EVA1C: variants seen among roughly 807,000 people sequenced by gnomAD.
EVA1C encodes eva-1 homolog C, also known as protein eva-1 homolog C.
Under a neutral mutation model 45.4 loss-of-function variants are expected in EVA1C, and 25 were observed. The ratio of observed to expected loss-of-function variants is 0.55; its 90% CI spans 0.40 to 0.77. EVA1C has a LOEUF of 0.77. EVA1C is among the 30% of genes least tolerant of loss of function. The pLI, the probability that EVA1C is intolerant of heterozygous loss-of-function variation, is 0.00. For synonymous variants in EVA1C, 190 were observed against 221.2 expected (o/e 0.86, Z 1.25); for missense variants, 479 against 554.8 (o/e 0.86, Z 1.37).
intron 3 of EVA1C, among the ~76,000 whole-genome samples, chr21:32,463,913 C>T (rs2036088066): frequency 6.6e-6 from 1 of 152,080 alleles, no homozygotes; most frequent in South Asian, 2.1e-4. Context: ...TAACATTTTT[C>T]TGAGTTCTTA....
At chr21:32,466,035 T>C (rs1228775287) in intron 3 of EVA1C, among the ~76,000 whole-genome samples, 1 of 152,172 alleles carries the variant, frequency 6.6e-6, no homozygotes, top group African/African-American at 2.4e-5. Flanking sequence ...ATTCTGCCTC[T>C]AAAGGTTTGC....
intron 5 of EVA1C, chr21:32,496,880 T>C (rs1568944919): frequency 9.4e-7 from 1 of 1,059,456 alleles, no homozygotes; most frequent in Non-Finnish European, 1.5e-6. Context: ...ATATTCAGAG[T>C]TGATGTTGGA....
At chr21:32,464,079 C>A (rs966777126) in intron 3 of EVA1C, among the ~76,000 whole-genome samples, 2 of 152,144 alleles carry the variant, frequency 1.3e-5, no homozygotes, top group African/African-American at 2.4e-5. Context: ...AATGCCAGTG[C>A]GGATATGACT....
intron 7 of EVA1C, among the ~76,000 whole-genome samples, chr21:32,505,699 C>G (rs767723943): frequency 1.3e-5 from 2 of 152,218 alleles, no homozygotes; most frequent in Non-Finnish European, 2.9e-5. Flanking sequence ...TAAGGGCTCT[C>G]TTCCTGGGTT....
intron 7 of EVA1C, among the ~76,000 whole-genome samples, chr21:32,504,946 G>C (rs1252916768): frequency 6.6e-6 from 1 of 151,060 alleles, no homozygotes. Flanking sequence ...GGTGAATGAG[G>C]AGCAAAGTCA....
intron 7 of EVA1C, among the ~76,000 whole-genome samples, chr21:32,507,266 T>G (rs766445946): frequency 6.6e-6 from 1 of 152,330 alleles, no homozygotes; most frequent in South Asian, 2.1e-4. Context: ...ACAGACTTAC[T>G]CCCCGAATTC....
chr21:32,458,468 T>C (rs2035869400), intron 3 of EVA1C, among the ~76,000 whole-genome samples: 1 of 150,140 alleles, frequency 6.7e-6, no homozygotes, highest in African/African-American at 2.5e-5. Flanking sequence ...ACCAAAAAAA[T>C]GAGAAGTTAA....
intron 4 of EVA1C, among the ~76,000 whole-genome samples, chr21:32,475,009 TCCTTAAC>T (rs1271529418): frequency 2.6e-5 from 4 of 152,190 alleles, no homozygotes; most frequent in Non-Finnish European, 4.4e-5. Context: ...AGGGTCTTTA[TCCTTAAC>T]CCTAGAAGCT....
At chr21:32,473,431 C>T (rs1601360772) in intron 4 of EVA1C, among the ~76,000 whole-genome samples, 1 of 152,236 alleles carries the variant, frequency 6.6e-6, no homozygotes, top group South Asian at 2.1e-4. Flanking sequence ...GTTTACCCCT[C>T]GTGTCCAAAC....
intron 5 of EVA1C, chr21:32,497,158 C>G: frequency 1.3e-6 from 1 of 797,694 alleles, no homozygotes; most frequent in Non-Finnish European, 2.3e-6. Context: ...TGGGAAAACT[C>G]TATCCACTGA....
At chr21:32,421,373 A>G (rs1012251992) in intron 1 of EVA1C, among the ~76,000 whole-genome samples, 3 of 152,236 alleles carry the variant, frequency 2.0e-5, no homozygotes, top group Non-Finnish European at 4.4e-5. Flanking sequence ...CTAAGCCTTC[A>G]TTAAAAGGTG....
intron 4 of EVA1C, among the ~76,000 whole-genome samples, chr21:32,484,639 G>A (rs1367986876): frequency 6.6e-6 from 1 of 152,110 alleles, no homozygotes; most frequent in Non-Finnish European, 1.5e-5. Context: ...AAGTTACCTG[G>A]GCTGTGAATT....
chr21:32,418,986 G>T (rs1277306279), intron 1 of EVA1C, among the ~76,000 whole-genome samples: 1 of 152,040 alleles, frequency 6.6e-6, no homozygotes, highest in Non-Finnish European at 1.5e-5. Context: ...AAAAAAAGGA[G>T]TTAAGTTTTG....
At chr21:32,496,460 C>T (rs990374240) in intron 5 of EVA1C, among the ~76,000 whole-genome samples, 1 of 152,136 alleles carries the variant, frequency 6.6e-6, no homozygotes, top group African/African-American at 2.4e-5. Flanking sequence ...AAATGTATTA[C>T]CAAAATAATG....
chr21:32,419,095 T>G (rs970632213), intron 1 of EVA1C, among the ~76,000 whole-genome samples: 2 of 152,238 alleles, frequency 1.3e-5, no homozygotes, highest in African/African-American at 2.4e-5. Context: ...TTCATAATGT[T>G]TTTTATAATT....
chr21:32,491,642 C>G (rs573259949), intron 4 of EVA1C, among the ~76,000 whole-genome samples: 7 of 143,248 alleles, frequency 4.9e-5, no homozygotes, highest in African/African-American at 1.8e-4. Context: ...CAAGACTGCA[C>G]CACTGCACTC....
rs369352034 is a variant in EVA1C, at chr21:32,511,350, C to T, written c.950-3464C>T. 1.5e-4 allele frequency among the ~76,000 whole-genome samples: 18 copies of T among 121,474 alleles called. No individual in the cohort carries two copies. The East Asian group carries it at 4.5e-3, about 30-fold the overall frequency. 79.7% of individuals were successfully genotyped at this position (121,474 alleles called of 152,430 possible). On this transcript the variant is annotated intron_variant, in intron 7 of 7. Transcript: ENST00000300255. Reference sequence around the variant, plus strand: ...AATCACTTGAACCTGGGGTGGGGGGCGGAGGTTGCAGTGAGCCAAGATCAT... The same window carrying T: ...AATCACTTGAACCTGGGGTGGGGGGTGGAGGTTGCAGTGAGCCAAGATCAT...
In EVA1C at chr21:32,491,410, C is replaced by A. The variant is rs552293263; in HGVS notation, c.635-3617C>A. Among the ~76,000 whole-genome samples the A allele has an allele frequency of 5.9e-4, 89 of 151,888 alleles. 1 individual carries two copies. Among genetic ancestry groups the A allele is most frequent in the Middle Eastern group, 6.8e-3 (2 of 294 alleles). ...TGAGATTAGAAGGGGCACAGTGGGCCGGGCACGGTGGCTCACGCCTGTAAT... is the reference window on the plus strand; with the variant it reads ...TGAGATTAGAAGGGGCACAGTGGGCAGGGCACGGTGGCTCACGCCTGTAAT... On this transcript the variant is annotated intron_variant, in intron 4 of 7. Transcript: ENST00000300255.
intron 7 of EVA1C, among the ~76,000 whole-genome samples, chr21:32,504,576 G>A (rs1601056873): frequency 6.6e-6 from 1 of 152,310 alleles, no homozygotes; most frequent in Admixed American, 6.5e-5. Context: ...TCTTCATTGA[G>A]GGGAAGGTAT....
Sources: gnomAD v4.1 joint callset for allele counts (sites outside exome capture counted in the v4.1 genomes callset) on GRCh38, gnomAD v4.1.1 for gene constraint, MANE v1.5 for transcripts, NCBI Gene and HGNC (gene_info 2026-07-23, HGNC 2026-07-21) for gene names.